PARVA: variants seen among roughly 807,000 people sequenced by gnomAD.
PARVA encodes the protein parvin alpha.
A neutral mutation model predicts 52.6 loss-of-function variants in PARVA; 25 were observed. The observed-to-expected ratio is 0.48, with a 90% confidence interval of 0.35 to 0.66. The LOEUF is 0.66. PARVA is among the 30% of genes least tolerant of loss of function. PARVA has a pLI of 0.01. For synonymous variants in PARVA, 185 were observed against 179.1 expected, an observed-to-expected ratio of 1.03 and a Z score of -0.26; for missense variants, 373 against 450.9, an observed-to-expected ratio of 0.83 and a Z score of 1.56.
chr11:12,429,712 A>G (rs1449480494), intron 1 of PARVA, among the ~76,000 whole-genome samples: 1 of 152,192 alleles, frequency 6.6e-6, no homozygotes, highest in Non-Finnish European at 1.5e-5. Context: ...CTTTGTATCT[A>G]TTAACCCATT....
At chr11:12,408,806 C>T (rs1939950174) in intron 1 of PARVA, among the ~76,000 whole-genome samples, 1 of 152,058 alleles carries the variant, frequency 6.6e-6, no homozygotes, top group African/African-American at 2.4e-5. Context: ...ATAATAGTGG[C>T]TTGGTGGGAA....
chr11:12,500,338 G>A (rs1194561119), intron 5 of PARVA, among the ~76,000 whole-genome samples: 3 of 152,092 alleles, frequency 2.0e-5, no homozygotes, highest in African/African-American at 2.4e-5. Context: ...ACTTGACTGC[G>A]GGCACATGTT....
In PARVA at chr11:12,472,909, G is replaced by A. The variant is rs1005142316; in HGVS notation, c.137-836G>A. Among the ~76,000 whole-genome samples the A allele has an allele frequency of 2.6e-5, 4 of 152,304 alleles. No homozygotes were observed. The East Asian group carries it at 7.7e-4, about 29-fold the overall frequency. On this transcript the variant is annotated intron_variant, in intron 1 of 12. Transcript: ENST00000334956. ...CTGTCACACAACTGGTTTTGTGGGA[G>A]GAATTCTTTTGTACTAAGGCTCCAT...
At chr11:12,508,069 A>G (rs1033379276) in intron 6 of PARVA, among the ~76,000 whole-genome samples, 1 of 143,262 alleles carries the variant, frequency 7.0e-6, no homozygotes, top group African/African-American at 2.6e-5. Flanking sequence ...AGGACTTACT[A>G]CTTATTTAAA....
chr11:12,441,882 C>T (rs953368050), intron 1 of PARVA, among the ~76,000 whole-genome samples: 1 of 152,248 alleles, frequency 6.6e-6, no homozygotes, highest in Non-Finnish European at 1.5e-5. Context: ...ATCCAGTTGA[C>T]TGCCTAGCTC....
chr11:12,435,932 C>T (rs529606030), intron 1 of PARVA, among the ~76,000 whole-genome samples: 1 of 152,122 alleles, frequency 6.6e-6, no homozygotes, highest in African/African-American at 2.4e-5. Flanking sequence ...TCCGGATTCA[C>T]CTGCCTCAGC....
chr11:12,450,539 T>C (rs1940608531), intron 1 of PARVA, among the ~76,000 whole-genome samples: 1 of 152,172 alleles, frequency 6.6e-6, no homozygotes, highest in Non-Finnish European at 1.5e-5. Flanking sequence ...GTCAGGGTTC[T>C]CTAGAGGGAC....
At chr11:12,415,676 A>T (rs1327155860) in intron 1 of PARVA, among the ~76,000 whole-genome samples, 2 of 152,208 alleles carry the variant, frequency 1.3e-5, no homozygotes, top group Non-Finnish European at 2.9e-5. Context: ...GAATAATTTC[A>T]TTTTGAAATA....
chr11:12,526,162 C>T (rs1284682406), intron 12 of PARVA, among the ~76,000 whole-genome samples: 2 of 152,170 alleles, frequency 1.3e-5, no homozygotes, highest in Admixed American at 6.5e-5. Context: ...TCAGAATTCA[C>T]TGCTATATAA....
intron 1 of PARVA, among the ~76,000 whole-genome samples, chr11:12,393,044 G>GAAAAAAAAAAAAAAAAAAAAAA (rs60966710): frequency 1.5e-4 from 7 of 46,132 alleles, no homozygotes; most frequent in South Asian, 9.1e-4. Flanking sequence ...CCCAAATTGT[G>GAAAAAAAAAAAAAAAAAAAAAA]AAAAAAAAAA....
At chr11:12,393,771 CAT>C (rs1020405442) in intron 1 of PARVA, among the ~76,000 whole-genome samples, 138 of 152,306 alleles carry the variant, frequency 9.1e-4, no homozygotes, top group African/African-American at 3.1e-3. Flanking sequence ...TGAGCAAACA[CAT>C]GTTTCATTTT....
chr11:12,482,490 G>C (rs1458155548), intron 4 of PARVA, among the ~76,000 whole-genome samples: 1 of 151,832 alleles, frequency 6.6e-6, no homozygotes, highest in Non-Finnish European at 1.5e-5. Context: ...GCCAGGCGTG[G>C]TGGTGGGCAC....
chr11:12,378,609 T>C (rs1314019342), intron 1 of PARVA, among the ~76,000 whole-genome samples: 1 of 146,876 alleles, frequency 6.8e-6, no homozygotes, highest in Non-Finnish European at 1.5e-5. Context: ...GTAGTTTGCA[T>C]GTAAAATATT....
chr11:12,422,066 T>A (rs1412226235), intron 1 of PARVA, among the ~76,000 whole-genome samples: 1 of 152,228 alleles, frequency 6.6e-6, no homozygotes, highest in Non-Finnish European at 1.5e-5. Flanking sequence ...ATGTACAATT[T>A]GAAATGTTTT....
rs149039058 is a variant in PARVA at position 12,520,055 on chromosome 11, C to A, written c.1042+1538C>A. Among the ~76,000 whole-genome samples, 1,485 of 152,300 alleles carry A rather than the reference C, an allele frequency of 9.8e-3. 29 individuals carry two copies. Among genetic ancestry groups the A allele is most frequent in the African/African-American group, 0.034 (1,400 of 41,554 alleles). On this transcript the variant is annotated intron_variant, in intron 12 of 12. Coordinates refer to ENST00000334956, the MANE Select transcript of PARVA (RefSeq NM_018222.5). ...TGGTTACAGATTGGAAGTACTTCTG[C>A]TATTTTAGAATTGGGATATTTCTTT...
At chr11:12,387,125 CA>C in intron 1 of PARVA, among the ~76,000 whole-genome samples, 1 of 152,204 alleles carries the variant, frequency 6.6e-6, no homozygotes, top group Non-Finnish European at 1.5e-5. Flanking sequence ...GAACAAAGAA[CA>C]ACATTTGAGG....
Position 12,511,382 on chromosome 11 carries a change from C to T in PARVA, c.717-132C>T. 8 of 921,618 alleles carry T rather than the reference C, an allele frequency of 8.7e-6. No individual in the cohort carries two copies. In the Admixed American group the frequency reaches 1.5e-4, roughly 17 times the overall value. 57.1% of individuals were successfully genotyped at this position (921,618 alleles called of 1,614,324 possible). On this transcript the variant is annotated intron_variant, in intron 7 of 12. Coordinates refer to ENST00000334956, the MANE Select transcript of PARVA (RefSeq NM_018222.5). Reference sequence around the variant, plus strand: ...ATGGAAGGAGGCTTTTTGAGCTCCTCAACCAAGGGCAGGTGGGTGGCAGGC... The same window carrying T: ...ATGGAAGGAGGCTTTTTGAGCTCCTTAACCAAGGGCAGGTGGGTGGCAGGC...
rs1789431474 is a variant in PARVA at position 12,532,151 on chromosome 11, C to T, written c.*4226C>T. The stretch of plus-strand genomic sequence containing the variant: ...CAGCAATGCAGCCATGAGGGTGCTG[C>T]CCCCAAACCAAGCCTGATGACCTTG... On this transcript the variant is annotated 3_prime_UTR_variant, in exon 13 of 13. Coordinates refer to ENST00000334956, the MANE Select transcript of PARVA (RefSeq NM_018222.5). 6.6e-6 allele frequency among the ~76,000 whole-genome samples: 1 copy of T among 152,126 alleles called. No homozygotes were observed. Among genetic ancestry groups the T allele is most frequent in the Non-Finnish European group, 1.5e-5 (1 of 68,020 alleles).
At chr11:12,501,174 A>T (rs573540541) in intron 5 of PARVA, among the ~76,000 whole-genome samples, 1 of 151,206 alleles carries the variant, frequency 6.6e-6, no homozygotes, top group East Asian at 1.9e-4. Flanking sequence ...ATTCCTTTCC[A>T]AATGTTGGCC....
Sources: allele counts gnomAD v4.1 joint callset (sites outside exome capture counted in the v4.1 genomes callset), GRCh38; gene constraint gnomAD v4.1.1; transcripts MANE v1.5; gene names NCBI Gene and HGNC (gene_info 2026-07-23, HGNC 2026-07-21).